The following DYNC1H1 variants were observed in gnomAD, a reference collection of about 807,000 sequenced individuals.
The protein encoded by DYNC1H1 is cytoplasmic dynein 1 heavy chain 1.
DYNC1H1 carries 51 observed loss-of-function variants against 527.1 expected under a neutral mutation model. The ratio of observed to expected loss-of-function variants is 0.10; its 90% CI spans 0.08 to 0.12. The LOEUF is 0.12. DYNC1H1 is among the 10% of genes least tolerant of loss of function. The probability of loss-of-function intolerance (pLI) is 1.00; values close to 1 mark genes in which losing one functional copy is unlikely to be tolerated. For synonymous variants in DYNC1H1, 2,189 were observed against 2,278.8 expected (o/e 0.96, Z 1.12); for missense variants, 2,771 against 5,971.8 (o/e 0.46, Z 17.66).
chr14:102,001,022 G>A lies in DYNC1H1; in HGVS notation c.4143G>A (p.Ala1381=), dbSNP rs373334821. Residue 1381 remains alanine (A), a synonymous_variant, in exon 19 of 78, where the codon GCG becomes GCA. Coordinates refer to ENST00000360184, the MANE Select transcript of DYNC1H1 (RefSeq NM_001376.5). This position sits in a 1 kb window ranked among gnomAD's most constrained non-coding sequence, Gnocchi z 5.0. The part of the protein sequence containing the change: ...KSFPARLRQY[A]SYEFVQRLLK... ...TCCCTGCCCGGTTGCGACAGTATGC[G>A]TCCTATGAGTTTGTTCAGAGGCTTC... The A allele has an allele frequency of 3.2e-5, 52 of 1,614,098 alleles. No homozygotes were observed. Among genetic ancestry groups the A allele is most frequent in the South Asian group, 2.6e-4 (24 of 91,086 alleles).
Position 101,994,506 on chromosome 14 carries a change from C to T in DYNC1H1, c.3157-167C>T, listed in dbSNP as rs147658448. Reference sequence around the variant, plus strand: ...ACATCTTTTTGAGTTTTAACCATGACGTTCAAGAATCTTTTTTGATATGAA... The same window carrying T: ...ACATCTTTTTGAGTTTTAACCATGATGTTCAAGAATCTTTTTTGATATGAA... On this transcript the variant is annotated intron_variant, in intron 12 of 77. Coordinates refer to ENST00000360184, the MANE Select transcript of DYNC1H1 (RefSeq NM_001376.5). Among the ~76,000 whole-genome samples, 172 of 152,218 alleles carry T rather than the reference C, an allele frequency of 1.1e-3. 1 individual carries two copies. Among genetic ancestry groups the T allele is most frequent in the African/African-American group, 3.9e-3 (162 of 41,518 alleles).
rs764641693 is a variant in DYNC1H1 at position 102,004,639 on chromosome 14, G to T, written c.5005G>T (p.Asp1669Tyr). 3 of 1,614,186 alleles carry T rather than the reference G, an allele frequency of 1.9e-6. No homozygotes were observed. Among genetic ancestry groups the T allele is most frequent in the Non-Finnish European group, 2.5e-6 (3 of 1,180,034 alleles). ...AGVSSIILNE[D>Y]NSVVLGISSR... is the part of the protein sequence containing the mutation. ...AGTTTCGAGCATCATCCTGAACGAG[G>T]ATAACTCTGTTGTTTTGGGTATTTC... The change falls in exon 24 of 78, where the codon GAT becomes TAT. Residue 1669 changes from aspartate (D) to tyrosine (Y), a missense_variant. Around this residue, in one of 32 missense-constraint regions of DYNC1H1, gnomAD observed 105 missense variants for 138.1 expected, o/e 0.76. Transcript: ENST00000360184.
Position 102,050,537 on chromosome 14 carries a change from G to T in DYNC1H1, c.13915G>T (p.Gly4639Cys). The T allele has an allele frequency of 6.2e-7, 1 of 1,614,188 alleles. No homozygotes were observed. The stretch of plus-strand genomic sequence containing the variant: ...GGATCCTCGCAGCTTCTACGAGCGG[G>T]GTGTCGCAGTCTTGTGCACAGAGTA... ...KEDPRSFYER[G>C]VAVLCTE is the part of the protein sequence containing the mutation. Residue 4639 changes from glycine (G) to cysteine (C), a missense_variant, in exon 78 of 78, where the codon GGT becomes TGT. By Grantham distance (159) the Gly-to-Cys change is radical. Coordinates refer to ENST00000360184, the MANE Select transcript of DYNC1H1 (RefSeq NM_001376.5).
In DYNC1H1 at chr14:102,015,278, G is replaced by A. The variant is rs199686352; in HGVS notation, c.7188G>A (p.Arg2396=). The change falls in exon 35 of 78, where the codon CGG becomes CGA. Residue 2396 remains arginine, a synonymous_variant. Transcript: ENST00000360184. This position sits in a 1 kb window ranked among gnomAD's most constrained non-coding sequence, Gnocchi z 6.9. ...PLDEGEDEAQ[R]RRKGKEDEGE... ...ATGAAGGGGAGGATGAGGCACAGCGGCGGCGTAAGGGCAAAGAGGATGAGG... is the reference window on the plus strand; with the variant it reads ...ATGAAGGGGAGGATGAGGCACAGCGACGGCGTAAGGGCAAAGAGGATGAGG... The A allele has an allele frequency of 1.2e-6, 2 of 1,614,222 alleles. No homozygotes were observed. The highest frequency in any genetic ancestry group is 2.7e-5 in the African/African-American group (2 of 75,064).
chr14:101,965,078 C>T lies in DYNC1H1; in HGVS notation c.256+131C>T. On this transcript the variant is annotated intron_variant, in intron 1 of 77. Transcript: ENST00000360184. This position sits in a 1 kb window ranked among gnomAD's most constrained non-coding sequence, Gnocchi z 4.1. ...CAGCTGCAGATGACCCCTGGATGGG[C>T]AGAGCCCGGCGGCCGCAGACGTCCC... is the stretch of plus-strand genomic sequence containing the variant. 2.0e-6 allele frequency: 2 copies of T among 998,578 alleles called. No homozygotes were observed. The highest frequency in any genetic ancestry group is 3.3e-4 in the Middle Eastern group (1 of 3,016). The allele number at this position is 998,578 out of a possible 1,614,324, so 61.9% of individuals were successfully genotyped here.
In DYNC1H1 at chr14:101,979,779, C is replaced by T. The variant is rs1184080545; in HGVS notation, c.579C>T (p.Leu193=). The part of the protein sequence containing the change: ...EKKIAELEMG[L]LHLQQNIEIP... ...AGATTGCAGAACTCGAAATGGGACT[C>T]CTTCACTTGCAGCAAAATATTGAAA... Residue 193 remains leucine, a synonymous_variant, in exon 4 of 78, where the codon CTC becomes CTT. Transcript: ENST00000360184. The surrounding 1 kb of genome is among the most constrained non-coding windows in gnomAD (Gnocchi z 4.6). 15 of 1,614,036 alleles carry T rather than the reference C, an allele frequency of 9.3e-6. No individual in the cohort carries two copies. Among genetic ancestry groups the T allele is most frequent in the Non-Finnish European group, 1.3e-5 (15 of 1,180,030 alleles).
intron 72 of DYNC1H1, among the ~76,000 whole-genome samples, chr14:102,047,339 C>A (rs1345553360): frequency 6.6e-6 from 1 of 151,950 alleles, no homozygotes; most frequent in African/African-American, 2.4e-5. Flanking sequence ...TCAAGACCAG[C>A]CTGGCCAGCA....
chr14:102,043,444 C>CA, intron 69 of DYNC1H1: 1 of 317,200 alleles, frequency 3.2e-6, no homozygotes, highest in Non-Finnish European at 6.1e-6. Flanking sequence ...AGCTGGGACT[C>CA]AGAGTTGTGT....
In DYNC1H1 at chr14:102,041,848, G is replaced by A; in HGVS notation, c.12102+114G>A. ...ACTCCGGGCTACAGTCTCCTCCTAA[G>A]ACCAGGAACTCGCTGCAGATTCTCA... is the stretch of plus-strand genomic sequence containing the variant. On this transcript the variant is annotated intron_variant, in intron 65 of 77. Coordinates refer to ENST00000360184, the MANE Select transcript of DYNC1H1 (RefSeq NM_001376.5). This position sits in a 1 kb window ranked among gnomAD's most constrained non-coding sequence, Gnocchi z 4.5. 6.4e-7 allele frequency: 1 copy of A among 1,558,656 alleles called. No individual in the cohort carries two copies. The highest frequency in any genetic ancestry group is 8.8e-7 in the Non-Finnish European group (1 of 1,142,622).
At position 102,033,386 on chromosome 14, in the gene DYNC1H1, G is replaced by A. The variant is rs766521055; in HGVS notation, c.10315G>A (p.Asp3439Asn). ...CAACGAGGTGGAGCAGATGATCCGA[G>A]ACCTGGAAGCCAGCATCGCCCGCTA... is the stretch of plus-strand genomic sequence containing the variant. ...KANEVEQMIR[D>N]LEASIARYKE... Residue 3439 changes from aspartate to asparagine, a missense_variant, in exon 54 of 78, where the codon GAC (aspartate) becomes AAC (asparagine). Coordinates refer to ENST00000360184, the MANE Select transcript of DYNC1H1 (RefSeq NM_001376.5). This position sits in a 1 kb window ranked among gnomAD's most constrained non-coding sequence, Gnocchi z 5.6. 4.3e-6 allele frequency: 7 copies of A among 1,614,230 alleles called. No homozygotes were observed. The highest frequency in any genetic ancestry group is 5.9e-6 in the Non-Finnish European group (7 of 1,180,046).
rs1180599070 is a variant in DYNC1H1, at chr14:101,983,570, A to G, written c.1422A>G (p.Glu474=). The G allele has an allele frequency of 1.9e-6, 3 of 1,614,196 alleles. No individual in the cohort carries two copies. The highest frequency in any genetic ancestry group is 2.2e-5 in the South Asian group (2 of 91,072). The change falls in exon 7 of 78, where the codon GAA becomes GAG. Residue 474 remains glutamate (E), a synonymous_variant. Transcript: ENST00000360184. This position sits in a 1 kb window ranked among gnomAD's most constrained non-coding sequence, Gnocchi z 5.3. ...DQMRKFRRQH[E]QLRAVIVRVL... ...TGAGAAAATTTAGACGCCAGCATGA[A>G]CAGCTAAGAGCTGTTATCGTCAGGG...
Position 102,017,540 on chromosome 14 carries a change from C to G in DYNC1H1, c.8177+36C>G, listed in dbSNP as rs182249651. The G allele has an allele frequency of 4.3e-6, 7 of 1,609,760 alleles. No individual in the cohort carries two copies. In the African/African-American group the frequency reaches 6.9e-5, roughly 16 times the overall value. On this transcript the variant is annotated intron_variant, in intron 40 of 77. Coordinates refer to ENST00000360184, the MANE Select transcript of DYNC1H1 (RefSeq NM_001376.5). The surrounding 1 kb of genome is among the most constrained non-coding windows in gnomAD (Gnocchi z 4.6). ...TCGGTAGACTGCTCTGCTTCACACA[C>G]GCACAGCTCCAGGATTGCTGTAAAC...
At chr14:101,978,018 T>G (rs940511214) in intron 2 of DYNC1H1, among the ~76,000 whole-genome samples, 14 of 152,128 alleles carry the variant, frequency 9.2e-5, no homozygotes, top group Admixed American at 2.0e-4. Context: ...TCCTGAATAG[T>G]TGGGATTACA....
In DYNC1H1 at chr14:102,032,470, G is replaced by A. The variant is rs374880953; in HGVS notation, c.10079+3G>A. Reference sequence around the variant, plus strand: ...AACTTCTCTGCAGAGGAGATCAGGTGAGAAAGTGGAAGTGCCAAGGTATTG... The same window carrying A: ...AACTTCTCTGCAGAGGAGATCAGGTAAGAAAGTGGAAGTGCCAAGGTATTG... On this transcript the variant is annotated splice_donor_region_variant and intron_variant, in intron 52 of 77. Coordinates refer to ENST00000360184, the MANE Select transcript of DYNC1H1 (RefSeq NM_001376.5). The A allele has an allele frequency of 1.2e-6, 2 of 1,614,120 alleles. No homozygotes were observed. Among genetic ancestry groups the A allele is most frequent in the Non-Finnish European group, 8.5e-7 (1 of 1,180,046 alleles).
Position 101,983,303 on chromosome 14 carries a change from A to G in DYNC1H1, c.1233+13A>G, listed in dbSNP as rs1462054801. Reference sequence around the variant, plus strand: ...AGAATTTGAAAAAGTAAGTTTGAATATATAAGACAACCAACCTCAAGACAT... The same window carrying G: ...AGAATTTGAAAAAGTAAGTTTGAATGTATAAGACAACCAACCTCAAGACAT... On this transcript the variant is annotated intron_variant, in intron 6 of 77. Coordinates refer to ENST00000360184, the MANE Select transcript of DYNC1H1 (RefSeq NM_001376.5). The surrounding 1 kb of genome is among the most constrained non-coding windows in gnomAD (Gnocchi z 5.3). 2 of 1,614,256 alleles carry G rather than the reference A, an allele frequency of 1.2e-6. No individual in the cohort carries two copies. The highest frequency in any genetic ancestry group is 2.2e-5 in the East Asian group (1 of 44,890).
Position 102,018,071 on chromosome 14 carries a change from A to C in DYNC1H1, c.8178-380A>C, listed in dbSNP as rs1031547498. 3.6e-5 allele frequency: 9 copies of C among 252,636 alleles called. No homozygotes were observed. The highest frequency in any genetic ancestry group is 1.6e-4 in the African/African-American group (7 of 44,598). 15.6% of individuals were successfully genotyped at this position (252,636 alleles called of 1,614,324 possible). On this transcript the variant is annotated intron_variant, in intron 40 of 77. Coordinates refer to ENST00000360184, the MANE Select transcript of DYNC1H1 (RefSeq NM_001376.5). The surrounding 1 kb of genome is among the most constrained non-coding windows in gnomAD (Gnocchi z 5.2). ...CAGTGAGCTGAGATCGCACCACTGC[A>C]CTCCAGCCTGGGCAACAGAGCAAGA...
Position 101,985,894 on chromosome 14 carries a change from A to G in DYNC1H1, c.1669A>G (p.Ile557Val). The stretch of plus-strand genomic sequence containing the variant: ...TGCTATGAAGAGGTACGATGAGAGG[A>G]TCGACAGAGTGGAGACCCGGATCAC... Reference protein sequence around the residue: ...EAAMKRYDERIDRVETRITAR... With the variant: ...EAAMKRYDERVDRVETRITAR... Residue 557 changes from isoleucine to valine, a missense_variant, in exon 8 of 78, where the codon ATC (isoleucine) becomes GTC (valine). This residue lies in a region of DYNC1H1 where 264 missense variants were observed against 619.4 expected (regional missense o/e 0.43). Transcript: ENST00000360184. The surrounding 1 kb of genome is among the most constrained non-coding windows in gnomAD (Gnocchi z 5.9). 6.2e-7 allele frequency: 1 copy of G among 1,614,218 alleles called. No homozygotes were observed. The highest frequency in any genetic ancestry group is 8.5e-7 in the Non-Finnish European group (1 of 1,180,042).
chr14:102,045,752 G>GT (rs924478151), intron 72 of DYNC1H1, among the ~76,000 whole-genome samples: 37 of 152,098 alleles, frequency 2.4e-4, no homozygotes, highest in African/African-American at 8.4e-4. Context: ...CTTACAAGAT[G>GT]TTTTTTAAGA....
In DYNC1H1 at chr14:102,048,135, G is replaced by A. The variant is rs776344253; in HGVS notation, c.13218+107G>A. 97 of 1,380,368 alleles carry A rather than the reference G, an allele frequency of 7.0e-5. 1 individual carries two copies. In the Middle Eastern group the frequency reaches 1.7e-3, roughly 24 times the overall value. The allele number at this position is 1,380,368 out of a possible 1,614,324, so 85.5% of individuals were successfully genotyped here. On this transcript the variant is annotated intron_variant, in intron 73 of 77. Transcript: ENST00000360184. ...TTGGTTCCACTGTGCCGGACGGAAC[G>A]TACTCACACCGGTGTCACCTCAGAG...
Sources: allele counts gnomAD v4.1 joint callset (sites outside exome capture counted in the v4.1 genomes callset), GRCh38; gene constraint gnomAD v4.1.1; regional missense constraint gnomAD v4.1.1; non-coding constraint Gnocchi (gnomAD v3.1); transcripts MANE v1.5; gene names NCBI Gene and HGNC (gene_info 2026-07-23, HGNC 2026-07-21).